Variants in TSPAN16 observed in about 807,000 individuals in gnomAD.
TSPAN16 encodes the protein tetraspanin 16.
In TSPAN16, 23 loss-of-function variants were observed where a neutral mutation model predicts 25.2. The ratio of observed to expected loss-of-function variants is 0.91; its 90% CI spans 0.66 to 1.29. TSPAN16 has a LOEUF of 1.29. Ranked by LOEUF, TSPAN16 falls within the 50% of genes most tolerant of loss-of-function variation. TSPAN16 has a pLI of 0.00. For missense variants in TSPAN16, 272 were observed against 299.9 expected, an observed-to-expected ratio of 0.91 and a Z score of 0.69; for synonymous variants, 123 against 124.4, an observed-to-expected ratio of 0.99 and a Z score of 0.08.
chr19:11,299,701 G>A (rs762566646), intron 3 of TSPAN16, among the ~76,000 whole-genome samples: 31 of 152,114 alleles, frequency 2.0e-4, no homozygotes, highest in Non-Finnish European at 4.1e-4. Context: ...AGGGCCAGGT[G>A]CGGTGGCTCA....
intron 6 of TSPAN16, 47 bp downstream of exon 6, chr19:11,312,269 C>T (rs1454601410): frequency 2.3e-6 from 3 of 1,333,068 alleles, no homozygotes; most frequent in African/African-American, 1.4e-5. Flanking sequence ...TATTAAGCAC[C>T]TACTGTATGC....
intron 5 of TSPAN16, among the ~76,000 whole-genome samples, chr19:11,307,019 T>C (rs1002734864): frequency 6.6e-6 from 1 of 152,194 alleles, no homozygotes; most frequent in Admixed American, 6.6e-5. Flanking sequence ...TTCACCATGT[T>C]GGCCAGGCTG....
Position 11,298,938 on chromosome 19 carries a change from T to C in TSPAN16, c.334T>C (p.Phe112Leu), listed in dbSNP as rs1421226179. The change falls in exon 3 of 7, where the codon TTT (phenylalanine) becomes CTT (leucine). Residue 112 changes from phenylalanine to leucine, a missense_variant. Phe to Leu is a conservative substitution (Grantham distance 22, BLOSUM62 0). Coordinates refer to ENST00000590327, the MANE Select transcript of TSPAN16 (RefSeq NM_001282509.2). ...VTAATVVLLFFPIVGDVALEH... is the reference protein window; with the variant it reads ...VTAATVVLLFLPIVGDVALEH... ...AGCTGCCACAGTGGTCCTTCTTTTC[T>C]TTCCAATTGTAAGTACAGCCCTGCT... is the stretch of plus-strand genomic sequence containing the variant. The C allele has an allele frequency of 6.2e-7, 1 of 1,613,980 alleles. No individual in the cohort carries two copies. Among genetic ancestry groups the C allele is most frequent in the South Asian group, 1.1e-5 (1 of 91,084 alleles).
chr19:11,299,277 T>G, intron 3 of TSPAN16, among the ~76,000 whole-genome samples: 1 of 141,462 alleles, frequency 7.1e-6, no homozygotes, highest in East Asian at 2.0e-4. Context: ...GAGACTCCGT[T>G]AAAAAAAAAA....
Position 11,302,171 on chromosome 19 carries a change from C to T in TSPAN16, c.450+863C>T, listed in dbSNP as rs148430556. 3.9e-5 allele frequency among the ~76,000 whole-genome samples: 6 copies of T among 152,158 alleles called. No homozygotes were observed. The South Asian group carries it at 6.2e-4, about 16-fold the overall frequency. Reference sequence around the variant, plus strand: ...GCAGTTCAGCGGCATTAAGCACATTCGCATTGTTGTGCGACCATCACCACC... The same window carrying T: ...GCAGTTCAGCGGCATTAAGCACATTTGCATTGTTGTGCGACCATCACCACC... On this transcript the variant is annotated intron_variant, in intron 4 of 6. Coordinates refer to ENST00000590327, the MANE Select transcript of TSPAN16 (RefSeq NM_001282509.2).
intron 6 of TSPAN16, 137 bp from the exon 7 acceptor site, chr19:11,315,654 G>T (rs1214345552): frequency 2.0e-6 from 1 of 504,738 alleles, no homozygotes; most frequent in Non-Finnish European, 3.1e-6. Context: ...TAGCCCAGGC[G>T]GTTCTTCAGC....
chr19:11,326,841 C>G (rs1274206356), exon 7 of TSPAN16: 1 of 661,482 alleles, frequency 1.5e-6, no homozygotes, highest in Non-Finnish European at 2.7e-6. Context: ...AACTGCTGGC[C>G]TAAAGCGATC....
chr19:11,305,322 C>T (rs944837759), intron 4 of TSPAN16, among the ~76,000 whole-genome samples: 1 of 151,268 alleles, frequency 6.6e-6, no homozygotes, highest in African/African-American at 2.4e-5. Context: ...CTGAGGTCAG[C>T]AGTTCGAGAC....
chr19:11,300,277 G>A (rs572432091), intron 3 of TSPAN16, among the ~76,000 whole-genome samples: 15 of 152,326 alleles, frequency 9.8e-5, no homozygotes, highest in Middle Eastern at 3.4e-3. Context: ...AATGAGGCAG[G>A]TAAGGGAAGA....
intron 6 of TSPAN16, chr19:11,325,270 G>T: frequency 1.5e-6 from 1 of 645,982 alleles, no homozygotes; most frequent in Non-Finnish European, 2.6e-6. Context: ...GAGCCATGCA[G>T]GAGTCGGGGA....
chr19:11,299,323 C>T (rs758261947), intron 3 of TSPAN16, among the ~76,000 whole-genome samples: 19 of 151,832 alleles, frequency 1.3e-4, no homozygotes, highest in Non-Finnish European at 2.6e-4. Flanking sequence ...CGCCCCTCCC[C>T]GCCAGGCACC....
At chr19:11,320,896 T>C (rs1427570191), downstream of TSPAN16, among the ~76,000 whole-genome samples, 4 of 151,906 alleles carry the variant, frequency 2.6e-5, no homozygotes, top group African/African-American at 9.7e-5. Context: ...TTTGCCCGTG[T>C]ACGGTGGTTC....
intron 6 of TSPAN16, among the ~76,000 whole-genome samples, chr19:11,312,899 AG>A (rs1274800169): frequency 6.6e-6 from 1 of 152,222 alleles, no homozygotes; most frequent in Non-Finnish European, 1.5e-5. Flanking sequence ...ATAAGGGAAA[AG>A]TGTGAACCTG....
intron 4 of TSPAN16, among the ~76,000 whole-genome samples, chr19:11,302,120 G>A (rs747325091): frequency 1.6e-4 from 24 of 152,054 alleles, no homozygotes; most frequent in South Asian, 4.1e-4. Context: ...CACCGTGCCC[G>A]GCCCCATTTA....
intron 3 of TSPAN16, among the ~76,000 whole-genome samples, chr19:11,299,877 T>G (rs1476145434): frequency 1.3e-5 from 2 of 151,192 alleles, no homozygotes; most frequent in African/African-American, 4.9e-5. Context: ...TTCAGGAGGC[T>G]GAGGCAGGAG....
At chr19:11,315,522 C>G (rs985184800) in intron 6 of TSPAN16, among the ~76,000 whole-genome samples, 4 of 151,034 alleles carry the variant, frequency 2.6e-5, no homozygotes, top group Admixed American at 2.6e-4. Context: ...CGCCACTGCA[C>G]TCCAGCCTGG....
At position 11,306,764 on chromosome 19, in the gene TSPAN16, G is replaced by A. The variant is rs2080632498; in HGVS notation, c.603+8G>A. ...AACGTCATCCACCAGAAGGTAACTG[G>A]AGATTTTGTGTGTTGCCTTGACAGA... On this transcript the variant is annotated splice_region_variant and intron_variant, in intron 5 of 6. Coordinates refer to ENST00000590327, the MANE Select transcript of TSPAN16 (RefSeq NM_001282509.2). 6.2e-7 allele frequency: 1 copy of A among 1,612,384 alleles called. No homozygotes were observed. Among genetic ancestry groups the A allele is most frequent in the Non-Finnish European group, 8.5e-7 (1 of 1,178,868 alleles).
In TSPAN16 at chr19:11,312,117, G is replaced by A. The variant is rs183907342; in HGVS notation, c.604-22G>A. The A allele has an allele frequency of 5.5e-5, 88 of 1,602,646 alleles. 1 individual carries two copies. In the East Asian group the frequency reaches 1.3e-3, roughly 24 times the overall value. On this transcript the variant is annotated intron_variant, in intron 5 of 6. Coordinates refer to ENST00000590327, the MANE Select transcript of TSPAN16 (RefSeq NM_001282509.2). ...ATAAGCCCCTAACCACCTCCTGCTT[G>A]TTTTGGTGTTTGTTTCCTCAGGGCT... is the stretch of plus-strand genomic sequence containing the variant.
chr19:11,304,749 C>T (rs1211456011), intron 4 of TSPAN16, among the ~76,000 whole-genome samples: 1 of 152,028 alleles, frequency 6.6e-6, no homozygotes, highest in Non-Finnish European at 1.5e-5. Context: ...TGATCTTGAT[C>T]TCCTGACCTC....
Sources: gnomAD v4.1 joint callset for allele counts (sites outside exome capture counted in the v4.1 genomes callset) on GRCh38, gnomAD v4.1.1 for gene constraint, MANE v1.5 for transcripts, NCBI Gene and HGNC (gene_info 2026-07-23, HGNC 2026-07-21) for gene names.